The following CTNND2 variants were observed in gnomAD, a reference collection of about 807,000 sequenced individuals.
The protein encoded by CTNND2 is catenin delta-2.
CTNND2 carries 22 observed loss-of-function variants against 144.4 expected under a neutral mutation model. That is an observed-to-expected ratio of 0.15 (90% confidence interval 0.11 to 0.22). The LOEUF (loss-of-function observed/expected upper bound fraction) is 0.22, where lower values mean the gene tolerates loss of function less well. CTNND2 is among the 10% of genes least tolerant of loss of function. CTNND2 has a pLI of 1.00. For missense variants in CTNND2, 1,353 were observed against 1,618.8 expected (o/e 0.84, Z 2.82); for synonymous variants, 751 against 695.6 (o/e 1.08, Z -1.25).
At position 11,771,176 on chromosome 5, in the gene CTNND2, G is replaced by A. The variant is rs556570538; in HGVS notation, c.38-38904C>T. Among the ~76,000 whole-genome samples, 14 of 142,382 alleles carry A rather than the reference G, an allele frequency of 9.8e-5. No individual in the cohort carries two copies. In the South Asian group the frequency reaches 3.2e-3, roughly 33 times the overall value. 93.4% of individuals were successfully genotyped at this position (142,382 alleles called of 152,430 possible). A position where few individuals can be genotyped will look rare whatever the true frequency, so the allele number is the denominator to read the frequency against. ...ACCATCCTGGAAATAGCTCTATCATGAACCCACATTGTTAGCTTTTTTTTT... is the reference window on the plus strand; with the variant it reads ...ACCATCCTGGAAATAGCTCTATCATAAACCCACATTGTTAGCTTTTTTTTT... On this transcript the variant is annotated intron_variant, in intron 1 of 21. Transcript: ENST00000304623.
intron 2 of CTNND2, among the ~76,000 whole-genome samples, chr5:11,666,131 G>A (rs1003392853): frequency 6.6e-6 from 1 of 152,182 alleles, no homozygotes; most frequent in Admixed American, 6.6e-5. Flanking sequence ...ATCAAGGCAT[G>A]TACACAAATT....
At chr5:11,300,362 G>C (rs1197619385) in intron 9 of CTNND2, among the ~76,000 whole-genome samples, 1 of 152,138 alleles carries the variant, frequency 6.6e-6, no homozygotes, top group Admixed American at 6.5e-5. Flanking sequence ...CTATTCTGGT[G>C]GCCCTCTGGT....
chr5:10,973,165 A>T lies in CTNND2; in HGVS notation c.*288T>A. 1 of 290,394 alleles carries T rather than the reference A, an allele frequency of 3.4e-6. No individual in the cohort carries two copies. 18.0% of individuals were successfully genotyped at this position (290,394 alleles called of 1,614,324 possible). A position where few individuals can be genotyped will look rare whatever the true frequency, so the allele number is the denominator to read the frequency against. ...CGAATGCCTCGTCTCTCCTCCCATC[A>T]ACCACGTTCAGTATAAAGCACTTCT... On this transcript the variant is annotated 3_prime_UTR_variant, in exon 22 of 22. Transcript: ENST00000304623. The surrounding 1 kb of genome is among the most constrained non-coding windows in gnomAD (Gnocchi z 5.6).
chr5:11,310,823 G>C (rs1238736), intron 9 of CTNND2, among the ~76,000 whole-genome samples: 54,089 of 130,060 alleles, frequency 0.42, 10,148 homozygotes, highest in Middle Eastern at 0.55. Flanking sequence ...TGCACTCACA[G>C]TCCCATGTGC....
intron 2 of CTNND2, among the ~76,000 whole-genome samples, chr5:11,661,990 C>A (rs527488879): frequency 5.3e-5 from 8 of 151,500 alleles, no homozygotes; most frequent in African/African-American, 1.9e-4. Context: ...TATATATACA[C>A]ACACACACAA....
chr5:11,712,534 T>C (rs1786089386), intron 2 of CTNND2, among the ~76,000 whole-genome samples: 1 of 152,156 alleles, frequency 6.6e-6, no homozygotes, highest in Non-Finnish European at 1.5e-5. Flanking sequence ...TACAGCAGTG[T>C]TAAAATAAAA....
In CTNND2 at chr5:11,384,643, C is replaced by T. The variant is rs1758855408; in HGVS notation, c.1177+22G>A. The T allele has an allele frequency of 5.7e-6, 9 of 1,585,804 alleles. No individual in the cohort carries two copies. Among genetic ancestry groups the T allele is most frequent in the Non-Finnish European group, 5.1e-6 (6 of 1,172,724 alleles). On this transcript the variant is annotated intron_variant, in intron 7 of 21. Transcript: ENST00000304623. The surrounding 1 kb of genome is among the most constrained non-coding windows in gnomAD (Gnocchi z 5.2). ...CCGCCACGCGCCCAGGTGAGTCGCG[C>T]CAGGTGGCAGCGAGCCTTTACCTGC...
At chr5:11,431,627 G>A (rs1002468561) in intron 3 of CTNND2, among the ~76,000 whole-genome samples, 5 of 152,162 alleles carry the variant, frequency 3.3e-5, no homozygotes, top group Admixed American at 1.3e-4. Flanking sequence ...GGAAGCCCGC[G>A]TTAGCCAGGT....
At chr5:11,056,081 G>T (rs1273423711) in intron 16 of CTNND2, among the ~76,000 whole-genome samples, 1 of 152,186 alleles carries the variant, frequency 6.6e-6, no homozygotes, top group African/African-American at 2.4e-5. Context: ...CGGAGATGGG[G>T]CGGAGTGTCT....
At chr5:11,654,808 C>T (rs1782827194) in intron 2 of CTNND2, among the ~76,000 whole-genome samples, 1 of 151,994 alleles carries the variant, frequency 6.6e-6, no homozygotes, top group Non-Finnish European at 1.5e-5. Flanking sequence ...GAATGGGCAT[C>T]CTTGTCTTGT....
chr5:10,976,658 CAGT>C (rs1736530598), intron 21 of CTNND2, among the ~76,000 whole-genome samples: 1 of 152,214 alleles, frequency 6.6e-6, no homozygotes. Flanking sequence ...TTTTCCTCAA[CAGT>C]AGAATATTCA....
chr5:11,686,207 G>GA (rs112168894), intron 2 of CTNND2, among the ~76,000 whole-genome samples: 17,944 of 140,418 alleles, frequency 0.13, 3,537 homozygotes, highest in African/African-American at 0.43. Context: ...CCATGTCTCA[G>GA]AAAAAAAAAA....
Position 11,237,022 on chromosome 5 carries a change from C to CT in CTNND2, c.1629-200dup, listed in dbSNP as rs368680555. On this transcript the variant is annotated intron_variant, in intron 9 of 21. Transcript: ENST00000304623. ...TTGAGTAAATAGTTTTCTTTCTTTT[C>CT]TTTTTTTTTTTTTTTTAGACAGAAT... Among the ~76,000 whole-genome samples the CT allele has an allele frequency of 4.3e-3, 600 of 138,466 alleles. 1 individual carries two copies. The highest frequency in any genetic ancestry group is 7.1e-3 in the African/African-American group (272 of 38,152). 90.8% of individuals were successfully genotyped at this position (138,466 alleles called of 152,430 possible).
At chr5:11,521,126 T>G (rs956554615) in intron 3 of CTNND2, among the ~76,000 whole-genome samples, 1 of 152,254 alleles carries the variant, frequency 6.6e-6, no homozygotes, top group Admixed American at 6.5e-5. Context: ...TAAACATTCA[T>G]ATCAAAGGGA....
intron 3 of CTNND2, among the ~76,000 whole-genome samples, chr5:11,482,458 T>G (rs1189261360): frequency 6.6e-6 from 1 of 152,192 alleles, no homozygotes; most frequent in African/African-American, 2.4e-5. Flanking sequence ...GTGCCCTTTA[T>G]ATGCTGACAC....
At chr5:11,142,317 C>T (rs1236922079) in intron 12 of CTNND2, among the ~76,000 whole-genome samples, 1 of 152,174 alleles carries the variant, frequency 6.6e-6, no homozygotes, top group African/African-American at 2.4e-5. Flanking sequence ...CTAGTGCCTG[C>T]TTCTTCTTTA....
chr5:11,641,444 G>GATATAT (rs35126010), intron 2 of CTNND2, among the ~76,000 whole-genome samples: 698 of 134,468 alleles, frequency 5.2e-3, no homozygotes, highest in African/African-American at 0.015. Context: ...GGAGTAAAAG[G>GATATAT]ATATATATAT....
chr5:11,213,248 G>C (rs1738822476), intron 10 of CTNND2, among the ~76,000 whole-genome samples: 1 of 152,030 alleles, frequency 6.6e-6, no homozygotes, highest in South Asian at 2.1e-4. Flanking sequence ...CACAATCAGA[G>C]GGTGGAGGCC....
Position 11,657,744 on chromosome 5 carries a change from T to C in CTNND2, c.174+74392A>G, listed in dbSNP as rs13153018. Among the ~76,000 whole-genome samples, 190 of 152,290 alleles carry C rather than the reference T, an allele frequency of 1.2e-3. 2 individuals are homozygous for C. The highest frequency in any genetic ancestry group is 3.8e-3 in the Admixed American group (58 of 15,276). On this transcript the variant is annotated intron_variant, in intron 2 of 21. Coordinates refer to ENST00000304623, the MANE Select transcript of CTNND2 (RefSeq NM_001332.4). ...ATCAAAATAATTTTTAAAAATCATT[T>C]TGATAAACCTATTGTGCATAAAACT...
Sources: allele counts gnomAD v4.1 joint callset (sites outside exome capture counted in the v4.1 genomes callset), GRCh38; gene constraint gnomAD v4.1.1; non-coding constraint Gnocchi (gnomAD v3.1); transcripts MANE v1.5; gene names NCBI Gene and HGNC (gene_info 2026-07-23, HGNC 2026-07-21).